The following XPO6 variants were observed in gnomAD, a reference collection of about 807,000 sequenced individuals.
XPO6 encodes the protein exportin-6.
In XPO6, 3 loss-of-function variants were observed where a neutral mutation model predicts 130.0. That is an observed-to-expected ratio of 0.02 (90% CI 0.01 to 0.06). The LOEUF is 0.06. XPO6 is among the 10% of genes least tolerant of loss of function. XPO6 has a pLI of 1.00. For synonymous variants in XPO6, 524 were observed against 548.9 expected, an observed-to-expected ratio of 0.95 and a Z score of 0.63; for missense variants, 970 against 1,393.0, an observed-to-expected ratio of 0.70 and a Z score of 4.83.
chr16:28,205,195 A>AT (rs771375943), intron 1 of XPO6, among the ~76,000 whole-genome samples: 1 of 152,210 alleles, frequency 6.6e-6, no homozygotes, highest in African/African-American at 2.4e-5. Flanking sequence ...AAGGTTTCAG[A>AT]TAAAAAAAAT....
chr16:28,171,034 T>C (rs1172322796), intron 4 of XPO6, among the ~76,000 whole-genome samples: 1 of 151,982 alleles, frequency 6.6e-6, no homozygotes, highest in Admixed American at 6.5e-5. Context: ...AAGTTTTTCC[T>C]TAATCTTAAC....
At chr16:28,163,220 G>A (rs982304536) in intron 6 of XPO6, among the ~76,000 whole-genome samples, 2 of 152,314 alleles carry the variant, frequency 1.3e-5, no homozygotes, top group South Asian at 2.1e-4. Flanking sequence ...ACCCTCCCAA[G>A]TCCCACCTTT....
At chr16:28,145,951 A>C (rs2042975196) in intron 9 of XPO6, 143 bp downstream of exon 9, 1 of 555,590 alleles carries the variant, frequency 1.8e-6, no homozygotes, top group African/African-American at 1.8e-5. Flanking sequence ...GAGAAAAAAA[A>C]GGAAATGCTC....
intron 1 of XPO6, among the ~76,000 whole-genome samples, chr16:28,182,250 T>C (rs1414373562): frequency 2.0e-5 from 3 of 152,194 alleles, no homozygotes; most frequent in Non-Finnish European, 1.5e-5. Flanking sequence ...CAAACTGTAG[T>C]ATACCAGCGG....
intron 20 of XPO6, among the ~76,000 whole-genome samples, chr16:28,105,483 C>T (rs147086812): frequency 1.8e-4 from 27 of 152,334 alleles, no homozygotes; most frequent in African/African-American, 5.5e-4. Context: ...CAGTGCATTT[C>T]GTAATGCACA....
intron 1 of XPO6, among the ~76,000 whole-genome samples, chr16:28,205,955 T>C (rs1357840390): frequency 1.3e-5 from 2 of 149,106 alleles, no homozygotes; most frequent in Admixed American, 6.8e-5. Flanking sequence ...GGAGAATCGC[T>C]TGAACCCAGG....
intron 9 of XPO6, among the ~76,000 whole-genome samples, chr16:28,145,136 G>C (rs139200080): frequency 1.3e-5 from 2 of 152,114 alleles, no homozygotes; most frequent in East Asian, 1.9e-4. Context: ...CAAATTACAC[G>C]AATCAGTTTT....
rs34621440 is a variant in XPO6 at position 28,155,457 on chromosome 16, T to TAA, written c.1097+615_1097+616dup. The TAA allele has an allele frequency of 4.2e-3, 595 of 141,688 alleles. 4 individuals are homozygous for TAA. The highest frequency in any genetic ancestry group is 7.5e-3 in the Non-Finnish European group (484 of 64,488). The allele number at this position is 141,688 out of a possible 1,614,324, so 8.8% of individuals were successfully genotyped here. ...ATGGAGTCGTCTTTTAGAGTGCTTT[T>TAA]AAAAAAAAAAAAAAGTAGGTCATTG... On this transcript the variant is annotated intron_variant, in intron 7 of 23. Transcript: ENST00000304658.
At chr16:28,128,248 G>C (rs1230888634) in intron 12 of XPO6, among the ~76,000 whole-genome samples, 1 of 152,126 alleles carries the variant, frequency 6.6e-6, no homozygotes, top group Non-Finnish European at 1.5e-5. Flanking sequence ...CCAGACCTCA[G>C]GGCTCTGTGG....
Position 28,098,403 on chromosome 16 carries a change from G to A in XPO6, c.*135C>T. ...AGCGGCAAGATGTGGAGGAGCGGCA[G>A]AGGCAGGCAGCGTTGCTTGCGGTGG... On this transcript the variant is annotated 3_prime_UTR_variant, in exon 24 of 24. Coordinates refer to ENST00000304658, the MANE Select transcript of XPO6 (RefSeq NM_015171.4). 5.5e-6 allele frequency: 4 copies of A among 722,120 alleles called. No homozygotes were observed. The highest frequency in any genetic ancestry group is 9.2e-6 in the Non-Finnish European group (4 of 435,616). 44.7% of individuals were successfully genotyped at this position (722,120 alleles called of 1,614,324 possible).
chr16:28,140,633 A>G (rs28450537), intron 9 of XPO6, among the ~76,000 whole-genome samples: 143,325 of 150,486 alleles, frequency 0.95, 68,659 homozygotes, highest in Non-Finnish European at 1. Flanking sequence ...AGCCAAGATC[A>G]CGCCACTGCA....
intron 1 of XPO6, among the ~76,000 whole-genome samples, chr16:28,184,973 T>C (rs1306739974): frequency 1.3e-5 from 2 of 152,128 alleles, no homozygotes; most frequent in Non-Finnish European, 2.9e-5. Flanking sequence ...CATACACAAA[T>C]GTTCACAGCA....
intron 7 of XPO6, chr16:28,155,858 C>T: frequency 8.0e-7 from 1 of 1,253,170 alleles, no homozygotes; most frequent in Non-Finnish European, 1.0e-6. Context: ...CAAACCTACA[C>T]AAGGCACAAG....
chr16:28,137,631 G>C (rs1286327176), intron 9 of XPO6, among the ~76,000 whole-genome samples: 3 of 120,654 alleles, frequency 2.5e-5, no homozygotes. Flanking sequence ...AGATTTTGGT[G>C]ACCAGAGTAT....
intron 5 of XPO6, chr16:28,167,311 G>A (rs1168965601): frequency 5.1e-6 from 5 of 985,270 alleles, no homozygotes; most frequent in Non-Finnish European, 6.0e-6. Flanking sequence ...CCACAAACCT[G>A]CCACCAATCC....
intron 9 of XPO6, among the ~76,000 whole-genome samples, chr16:28,144,009 T>C (rs2042940761): frequency 6.6e-6 from 1 of 152,232 alleles, no homozygotes; most frequent in African/African-American, 2.4e-5. Flanking sequence ...TTGAGAGATA[T>C]GAAGGAATAT....
In XPO6 at chr16:28,104,579, C is replaced by A. The variant is rs2086730021; in HGVS notation, c.2913G>T (p.Met971Ile). 6.2e-7 allele frequency: 1 copy of A among 1,614,234 alleles called. No homozygotes were observed. The highest frequency in any genetic ancestry group is 8.5e-7 in the Non-Finnish European group (1 of 1,180,040). Residue 971 changes from methionine (M) to isoleucine (I), a missense_variant, in exon 21 of 24, where the codon ATG becomes ATT. Transcript: ENST00000304658. Reference protein sequence around the residue: ...SVQRGIAEEQMENEPQFSAIM... With the variant: ...SVQRGIAEEQIENEPQFSAIM... Reference sequence around the variant, plus strand: ...TGGCACTGAACTGGGGCTCATTCTCCATCTGCTCCTCAGCGATCCCCCTCT... The same window carrying A: ...TGGCACTGAACTGGGGCTCATTCTCAATCTGCTCCTCAGCGATCCCCCTCT...
chr16:28,170,813 A>G (rs2043436845), intron 4 of XPO6, among the ~76,000 whole-genome samples: 1 of 152,242 alleles, frequency 6.6e-6, no homozygotes, highest in African/African-American at 2.4e-5. Context: ...CTACCATAAG[A>G]AAGTTTAACT....
chr16:28,112,340 T>G (rs994748988), intron 16 of XPO6, among the ~76,000 whole-genome samples: 1 of 152,216 alleles, frequency 6.6e-6, no homozygotes, highest in Admixed American at 6.5e-5. Context: ...CTGAGTCCTC[T>G]GAGAAGCTAC....
Sources: allele counts gnomAD v4.1 joint callset (sites outside exome capture counted in the v4.1 genomes callset), GRCh38; gene constraint gnomAD v4.1.1; transcripts MANE v1.5; gene names NCBI Gene and HGNC (gene_info 2026-07-23, HGNC 2026-07-21).